FARS2: variants seen among roughly 807,000 people sequenced by gnomAD.
FARS2 encodes the protein phenylalanine--tRNA ligase, mitochondrial.
FARS2 carries 40 observed loss-of-function variants against 46.4 expected under a neutral mutation model. That is an observed-to-expected ratio of 0.86 (90% confidence interval 0.67 to 1.12). The LOEUF is 1.12. FARS2 is among the 50% of genes most tolerant of loss of function. FARS2 has a pLI of 0.00. For missense variants in FARS2, 513 were observed against 567.9 expected, an observed-to-expected ratio of 0.90 and a Z score of 0.98; for synonymous variants, 234 against 214.9, an observed-to-expected ratio of 1.09 and a Z score of -0.78.
chr6:5,345,542 C>T (rs367974243), intron 1 of FARS2, among the ~76,000 whole-genome samples: 5 of 152,154 alleles, frequency 3.3e-5, no homozygotes, highest in South Asian at 2.1e-4. Flanking sequence ...GCTTCTCAGG[C>T]GCATGTGTAA....
At chr6:5,436,952 A>G (rs1349601351) in intron 4 of FARS2, among the ~76,000 whole-genome samples, 1 of 152,088 alleles carries the variant, frequency 6.6e-6, no homozygotes, top group African/African-American at 2.4e-5. Context: ...TAAAGTGTCC[A>G]GTTTGATCAG....
At chr6:5,282,469 C>T (rs1034189030) in intron 1 of FARS2, among the ~76,000 whole-genome samples, 3 of 152,128 alleles carry the variant, frequency 2.0e-5, no homozygotes, top group Admixed American at 1.3e-4. Context: ...CCATTTTAGC[C>T]GGTGCATATG....
intron 5 of FARS2, among the ~76,000 whole-genome samples, chr6:5,585,051 T>G (rs1208455557): frequency 2.0e-5 from 3 of 152,128 alleles, no homozygotes; most frequent in African/African-American, 7.2e-5. Flanking sequence ...GTGCTAAAGC[T>G]CTTTAAGATT....
In FARS2 at chr6:5,287,543, C is replaced by T. The variant is rs567737861; in HGVS notation, c.-22+25883C>T. On this transcript the variant is annotated intron_variant, in intron 1 of 6. Transcript: ENST00000274680. ...AAATTAGCCTGCCCCTGGCCTGGTGCGAGCCCAATGAGGGGACATTCGGGC... is the reference window on the plus strand; with the variant it reads ...AAATTAGCCTGCCCCTGGCCTGGTGTGAGCCCAATGAGGGGACATTCGGGC... Among the ~76,000 whole-genome samples the T allele has an allele frequency of 3.9e-5, 6 of 152,286 alleles. No individual in the cohort carries two copies. The South Asian group carries it at 6.2e-4, about 16-fold the overall frequency.
chr6:5,409,193 G>T (rs1415660299), intron 3 of FARS2, among the ~76,000 whole-genome samples: 1 of 152,186 alleles, frequency 6.6e-6, no homozygotes, highest in African/African-American at 2.4e-5. Flanking sequence ...GCTCACACCT[G>T]TAATACCAGC....
chr6:5,504,871 G>T (rs1008516047), intron 4 of FARS2, among the ~76,000 whole-genome samples: 1 of 151,826 alleles, frequency 6.6e-6, no homozygotes. Flanking sequence ...TGTTACCCCG[G>T]CTGGAGGGCA....
chr6:5,654,740 C>T (rs1466868557), intron 6 of FARS2, among the ~76,000 whole-genome samples: 1 of 152,066 alleles, frequency 6.6e-6, no homozygotes, highest in African/African-American at 2.4e-5. Context: ...CTTTTAATTG[C>T]AGTTGACCCT....
Position 5,586,397 on chromosome 6 carries a change from C to T in FARS2, c.1066-26772C>T, listed in dbSNP as rs190155878. On this transcript the variant is annotated intron_variant, in intron 5 of 6. Coordinates refer to ENST00000274680, the MANE Select transcript of FARS2 (RefSeq NM_006567.5). ...TGTCTAATTTATTGATTGTATTTAT[C>T]ATGAAAGGGTTGCATGTTGTCAAAT... is the stretch of plus-strand genomic sequence containing the variant. Among the ~76,000 whole-genome samples, 1,242 of 152,130 alleles carry T rather than the reference C, an allele frequency of 8.2e-3. 9 individuals are homozygous for T. Among genetic ancestry groups the T allele is most frequent in the South Asian group, 0.015 (73 of 4,822 alleles).
In FARS2 at chr6:5,288,599, G is replaced by A. The variant is rs571759386; in HGVS notation, c.-22+26939G>A. Among the ~76,000 whole-genome samples the A allele has an allele frequency of 2.0e-5, 3 of 152,268 alleles. No homozygotes were observed. The South Asian group carries it at 6.2e-4, about 32-fold the overall frequency. ...CTGTGGTTTTGAATATATGTGGTTG[G>A]ATTCTCCCATTCATTCAACAAGTAT... On this transcript the variant is annotated intron_variant, in intron 1 of 6. Transcript: ENST00000274680.
At chr6:5,419,304 C>T (rs563395753) in intron 3 of FARS2, among the ~76,000 whole-genome samples, 1 of 152,278 alleles carries the variant, frequency 6.6e-6, no homozygotes, top group South Asian at 2.1e-4. Context: ...CTTAAGATAT[C>T]TAAAACACAC....
chr6:5,433,890 A>G (rs115256263), intron 4 of FARS2, among the ~76,000 whole-genome samples: 2,598 of 152,246 alleles, frequency 0.017, 61 homozygotes, highest in African/African-American at 0.059. Flanking sequence ...GTTTATTCAC[A>G]CAGTAATTGG....
chr6:5,313,369 T>C (rs1233604920), intron 1 of FARS2, among the ~76,000 whole-genome samples: 1 of 152,176 alleles, frequency 6.6e-6, no homozygotes, highest in Admixed American at 6.5e-5. Context: ...TACTCTTAGC[T>C]CCTCTGTCGT....
intron 6 of FARS2, among the ~76,000 whole-genome samples, chr6:5,732,439 G>C (rs967398514): frequency 6.6e-6 from 1 of 152,138 alleles, no homozygotes; most frequent in Non-Finnish European, 1.5e-5. Flanking sequence ...GTTAGATCTC[G>C]TTGTTCTCAT....
chr6:5,561,429 G>A (rs1771978327), intron 5 of FARS2, among the ~76,000 whole-genome samples: 1 of 152,012 alleles, frequency 6.6e-6, no homozygotes, highest in African/African-American at 2.4e-5. Context: ...ATTCTTGAAT[G>A]GCAGTTTAAC....
rs192147006 is a variant in FARS2, at chr6:5,451,250, A to G, written c.904+20078A>G. Among the ~76,000 whole-genome samples the G allele has an allele frequency of 8.7e-4, 133 of 152,164 alleles. 1 individual carries two copies. Among genetic ancestry groups the G allele is most frequent in the African/African-American group, 3.1e-3 (130 of 41,506 alleles). On this transcript the variant is annotated intron_variant, in intron 4 of 6. Transcript: ENST00000274680. ...TTCAAATGTTGACTTCTAAGGCTTT[A>G]TTACCTCAGACAGCTTCATTAGGTT...
intron 1 of FARS2, among the ~76,000 whole-genome samples, chr6:5,305,579 C>G (rs1367998056): frequency 6.6e-6 from 1 of 152,144 alleles, no homozygotes; most frequent in African/African-American, 2.4e-5. Context: ...TGAATGAGAC[C>G]TCCTTGTTTT....
the FARS2 span, among the ~76,000 whole-genome samples, chr6:5,253,205 G>C: frequency 6.6e-6 from 1 of 152,138 alleles, no homozygotes; most frequent in Non-Finnish European, 1.5e-5. Context: ...ATGCATTTGG[G>C]CATCACTTTA....
At chr6:5,661,087 T>A (rs1292670740) in intron 6 of FARS2, among the ~76,000 whole-genome samples, 1 of 152,204 alleles carries the variant, frequency 6.6e-6, no homozygotes, top group Admixed American at 6.5e-5. Context: ...CAACTGAGGT[T>A]GTGGCGAGGG....
At chr6:5,423,965 T>C (rs552561980) in intron 3 of FARS2, among the ~76,000 whole-genome samples, 1 of 152,294 alleles carries the variant, frequency 6.6e-6, no homozygotes, top group East Asian at 1.9e-4. Context: ...GTGCCTCCTC[T>C]TCCTTATGAC....
Sources: allele counts gnomAD v4.1 joint callset (sites outside exome capture counted in the v4.1 genomes callset), GRCh38; gene constraint gnomAD v4.1.1; transcripts MANE v1.5; gene names NCBI Gene and HGNC (gene_info 2026-07-23, HGNC 2026-07-21).